The following DGKI variants were observed in gnomAD, a reference collection of about 807,000 sequenced individuals.
DGKI encodes the protein DAG kinase iota.
DGKI carries 55 observed loss-of-function variants against 147.5 expected under a neutral mutation model. The ratio of observed to expected loss-of-function variants is 0.37; its 90% CI spans 0.30 to 0.47. The LOEUF (loss-of-function observed/expected upper bound fraction) is 0.47, where lower values mean the gene tolerates loss of function less well. Ranked by LOEUF, DGKI falls within the 20% of genes least tolerant of loss-of-function variation. The pLI is 1.00. For missense variants in DGKI, 1,007 were observed against 1,323.8 expected, an observed-to-expected ratio of 0.76 and a Z score of 3.71; for synonymous variants, 469 against 477.1, an observed-to-expected ratio of 0.98 and a Z score of 0.22.
At position 137,397,408 on chromosome 7, in the gene DGKI, A is replaced by G; in HGVS notation, c.2926T>C (p.Ser976Pro). The G allele has an allele frequency of 6.2e-7, 1 of 1,613,168 alleles. No homozygotes were observed. Among genetic ancestry groups the G allele is most frequent in the Non-Finnish European group, 8.5e-7 (1 of 1,179,824 alleles). ...CTGTCTGCCATATCCAATAACTCGG[A>G]AGGTCCTAAATAAGAAGAAAGCAAG... ...IVKYILDHGP[S>P]ELLDMADSET... The change falls in exon 31 of 33, where the codon TCC (serine) becomes CCC (proline). Residue 976 changes from serine to proline, a missense_variant. Around this residue, in one of 5 missense-constraint regions of DGKI, gnomAD observed 385 missense variants for 445.2 expected, o/e 0.86. Transcript: ENST00000614521.
intron 1 of DGKI, among the ~76,000 whole-genome samples, chr7:137,820,961 C>A (rs150710842): frequency 6.6e-6 from 1 of 152,270 alleles, no homozygotes; most frequent in African/African-American, 2.4e-5. Context: ...CCCTGGGGCC[C>A]AGCCCTAGAG....
In DGKI at chr7:137,745,814, T is replaced by C. The variant is rs372870537; in HGVS notation, c.402-55812A>G. ...AACATATGCTGAGGTTACTAAGATC[T>C]ACAGTAAGACCAATTTCATTGGTGA... On this transcript the variant is annotated intron_variant, in intron 1 of 32. Coordinates refer to ENST00000614521, the MANE Select transcript of DGKI (RefSeq NM_001321708.2). Among the ~76,000 whole-genome samples the C allele has an allele frequency of 7.2e-5, 11 of 152,314 alleles. No homozygotes were observed. The South Asian group carries it at 2.3e-3, about 32-fold the overall frequency.
chr7:137,729,044 TA>T, intron 1 of DGKI, among the ~76,000 whole-genome samples: 1 of 151,994 alleles, frequency 6.6e-6, no homozygotes, highest in East Asian at 1.9e-4. Flanking sequence ...CTAGAGAAGA[TA>T]AAAACTTAAA....
At chr7:137,555,758 C>T (rs1257580434) in intron 19 of DGKI, among the ~76,000 whole-genome samples, 1 of 152,028 alleles carries the variant, frequency 6.6e-6, no homozygotes, top group African/African-American at 2.4e-5. Flanking sequence ...ATTTTACCTG[C>T]CCCACTACCC....
At chr7:137,663,195 A>G (rs144708270) in intron 3 of DGKI, among the ~76,000 whole-genome samples, 102 of 152,340 alleles carry the variant, frequency 6.7e-4, no homozygotes, top group African/African-American at 2.4e-3. Flanking sequence ...TGTACAGGAT[A>G]TAAACAGGAG....
At chr7:137,489,564 C>A (rs1232913993) in intron 21 of DGKI, among the ~76,000 whole-genome samples, 1 of 151,834 alleles carries the variant, frequency 6.6e-6, no homozygotes, top group African/African-American at 2.4e-5. Context: ...GCTAGACCTA[C>A]TATAAAGATG....
intron 27 of DGKI, among the ~76,000 whole-genome samples, chr7:137,454,292 G>A (rs1180703707): frequency 6.6e-6 from 1 of 152,130 alleles, no homozygotes; most frequent in African/African-American, 2.4e-5. Flanking sequence ...AAAAAACGCT[G>A]TTTTACCTTT....
intron 32 of DGKI, 139 bp downstream of exon 32, chr7:137,395,458 CT>C (rs1811514737): frequency 7.3e-6 from 5 of 687,464 alleles, no homozygotes; most frequent in Non-Finnish European, 9.9e-6. Context: ...ATGAAGCACT[CT>C]ATTTTTTCCT....
intron 1 of DGKI, among the ~76,000 whole-genome samples, chr7:137,731,487 C>T (rs1364396): frequency 0.26 from 39,213 of 151,912 alleles, 5,237 homozygotes; most frequent in South Asian, 0.29. Context: ...TTTATCATTA[C>T]GGCATCATCG....
chr7:137,744,255 A>G (rs371621247), intron 1 of DGKI, among the ~76,000 whole-genome samples: 7 of 152,202 alleles, frequency 4.6e-5, no homozygotes, highest in African/African-American at 1.7e-4. Context: ...ATTACTGTGA[A>G]TATCTCTATG....
chr7:137,631,286 T>C (rs981385103), intron 6 of DGKI, among the ~76,000 whole-genome samples: 3 of 152,206 alleles, frequency 2.0e-5, no homozygotes, highest in Non-Finnish European at 4.4e-5. Context: ...TTACTCAGAT[T>C]GTGCCCCTCC....
chr7:137,802,879 T>C (rs1034958954), intron 1 of DGKI, among the ~76,000 whole-genome samples: 3 of 152,112 alleles, frequency 2.0e-5, no homozygotes, highest in Non-Finnish European at 4.4e-5. Flanking sequence ...CTGATGTTCA[T>C]TAATACAATT....
chr7:137,565,118 ACAAAC>A (rs1818540929), intron 19 of DGKI, among the ~76,000 whole-genome samples: 2 of 152,246 alleles, frequency 1.3e-5, no homozygotes, highest in African/African-American at 4.8e-5. Context: ...AGAGAGGTTT[ACAAAC>A]AATTATGTTA....
At chr7:137,672,596 AAGGTTGAAC>A (rs1822880912) in intron 3 of DGKI, among the ~76,000 whole-genome samples, 1 of 152,050 alleles carries the variant, frequency 6.6e-6, no homozygotes. Flanking sequence ...AGGTTTCAAC[AAGGTTGAAC>A]ACCCTTTTGA....
intron 21 of DGKI, among the ~76,000 whole-genome samples, chr7:137,516,320 T>C (rs1327220644): frequency 1.3e-5 from 2 of 152,108 alleles, no homozygotes; most frequent in Non-Finnish European, 2.9e-5. Context: ...TATTATATTA[T>C]AATCTGTTCT....
At chr7:137,828,452 A>C (rs1325450399) in intron 1 of DGKI, among the ~76,000 whole-genome samples, 1 of 152,110 alleles carries the variant, frequency 6.6e-6, no homozygotes, top group Non-Finnish European at 1.5e-5. Context: ...ACTTTTTCCC[A>C]GCTTTCAATA....
chr7:137,703,603 C>T (rs1487303967), intron 1 of DGKI, among the ~76,000 whole-genome samples: 1 of 152,204 alleles, frequency 6.6e-6, no homozygotes, highest in African/African-American at 2.4e-5. Flanking sequence ...AAGAAAGTAT[C>T]TGTCCAATAA....
At chr7:137,665,067 C>A (rs1027149928) in intron 3 of DGKI, among the ~76,000 whole-genome samples, 31 of 152,298 alleles carry the variant, frequency 2.0e-4, no homozygotes, top group African/African-American at 7.2e-4. Context: ...TAAGGAGTGG[C>A]TGGGGGCCAG....
At chr7:137,476,067 G>C (rs115870879) in intron 23 of DGKI, among the ~76,000 whole-genome samples, 1 of 152,102 alleles carries the variant, frequency 6.6e-6, no homozygotes, top group Non-Finnish European at 1.5e-5. Flanking sequence ...TGGTGCTGAC[G>C]TACGGCCAAG....
Sources: allele counts gnomAD v4.1 joint callset (sites outside exome capture counted in the v4.1 genomes callset), GRCh38; gene constraint gnomAD v4.1.1; regional missense constraint gnomAD v4.1.1; transcripts MANE v1.5; gene names NCBI Gene and HGNC (gene_info 2026-07-23, HGNC 2026-07-21).